LRRTM4: variants seen among roughly 807,000 people sequenced by gnomAD.
LRRTM4 encodes leucine rich repeat transmembrane neuronal 4, also known as leucine-rich repeat transmembrane neuronal protein 4.
In LRRTM4, 25 loss-of-function variants were observed where a neutral mutation model predicts 47.6. The ratio of observed to expected loss-of-function variants is 0.53; its 90% CI spans 0.38 to 0.73. The LOEUF is 0.73. LRRTM4 is among the 30% of genes least tolerant of loss of function. The pLI, the probability that LRRTM4 is intolerant of heterozygous loss-of-function variation, is 0.00. For synonymous variants in LRRTM4, 311 were observed against 269.5 expected (o/e 1.15, Z -1.51); for missense variants, 638 against 713.4 (o/e 0.89, Z 1.20).
chr2:76,877,528 A>G (rs1672811863), intron 3 of LRRTM4, among the ~76,000 whole-genome samples: 1 of 152,168 alleles, frequency 6.6e-6, no homozygotes. Context: ...AAATCAAGGT[A>G]CAATGGTTAA....
At chr2:77,211,842 AATT>A (rs1674301080) in intron 3 of LRRTM4, among the ~76,000 whole-genome samples, 1 of 152,082 alleles carries the variant, frequency 6.6e-6, no homozygotes, top group Non-Finnish European at 1.5e-5. Flanking sequence ...TATAAAATTT[AATT>A]ATTACATTAT....
intron 3 of LRRTM4, among the ~76,000 whole-genome samples, chr2:77,023,815 C>T (rs1182128292): frequency 6.6e-6 from 1 of 152,166 alleles, no homozygotes; most frequent in Non-Finnish European, 1.5e-5. Context: ...CCAAACTGTT[C>T]CAACCTCTGC....
At chr2:77,305,402 C>A (rs1677245328) in intron 3 of LRRTM4, among the ~76,000 whole-genome samples, 1 of 152,126 alleles carries the variant, frequency 6.6e-6, no homozygotes, top group East Asian at 1.9e-4. Flanking sequence ...AAATACTAAT[C>A]TCAGTTTCAA....
At chr2:77,430,268 T>C (rs747445654) in intron 3 of LRRTM4, among the ~76,000 whole-genome samples, 2 of 152,210 alleles carry the variant, frequency 1.3e-5, no homozygotes, top group Non-Finnish European at 2.9e-5. Flanking sequence ...TAAATACATA[T>C]ATTTTTATCT....
chr2:77,037,210 T>C (rs750887124), intron 3 of LRRTM4, among the ~76,000 whole-genome samples: 8 of 151,774 alleles, frequency 5.3e-5, no homozygotes, highest in Admixed American at 1.3e-4. Context: ...AGAGAGAGAA[T>C]ATGGGCTTCA....
chr2:77,222,987 C>G (rs542304509), intron 3 of LRRTM4, among the ~76,000 whole-genome samples: 1 of 152,188 alleles, frequency 6.6e-6, no homozygotes, highest in African/African-American at 2.4e-5. Context: ...AATCCAGCAA[C>G]ATATCAAAAA....
At chr2:76,968,771 T>G (rs1676123333) in intron 3 of LRRTM4, among the ~76,000 whole-genome samples, 1 of 151,770 alleles carries the variant, frequency 6.6e-6, no homozygotes, top group African/African-American at 2.4e-5. Flanking sequence ...TCCAGGCTCT[T>G]GTCCAGTCTT....
intron 3 of LRRTM4, among the ~76,000 whole-genome samples, chr2:77,080,915 C>T (rs760869638): frequency 2.0e-5 from 3 of 152,140 alleles, no homozygotes; most frequent in Non-Finnish European, 1.5e-5. Context: ...AAACACTCTC[C>T]AGCTTCAGGG....
At chr2:77,363,666 T>C (rs1672325342) in intron 3 of LRRTM4, among the ~76,000 whole-genome samples, 1 of 152,186 alleles carries the variant, frequency 6.6e-6, no homozygotes, top group South Asian at 2.1e-4. Flanking sequence ...GACTAATGAA[T>C]GTGCGCTTCA....
intron 3 of LRRTM4, among the ~76,000 whole-genome samples, chr2:77,342,272 G>T (rs1354139539): frequency 6.6e-6 from 1 of 151,988 alleles, no homozygotes; most frequent in Admixed American, 6.6e-5. Context: ...GTTTTACCCT[G>T]AGAGGATATT....
At chr2:77,513,163 G>T (rs1240383423) in intron 3 of LRRTM4, among the ~76,000 whole-genome samples, 1 of 152,172 alleles carries the variant, frequency 6.6e-6, no homozygotes, top group South Asian at 2.1e-4. Flanking sequence ...GCTCACACAT[G>T]TGTATGCGTG....
intron 3 of LRRTM4, among the ~76,000 whole-genome samples, chr2:77,215,707 T>G (rs780165466): frequency 6.6e-6 from 1 of 152,188 alleles, no homozygotes. Flanking sequence ...GCTTCAGAAC[T>G]GGCTAAACAC....
chr2:77,413,906 C>T (rs1674538081), intron 3 of LRRTM4, among the ~76,000 whole-genome samples: 2 of 152,118 alleles, frequency 1.3e-5, no homozygotes, highest in Non-Finnish European at 2.9e-5. Context: ...TATGTTAATT[C>T]CTTCAGAGAT....
At chr2:77,254,532 T>A (rs528189795) in intron 3 of LRRTM4, among the ~76,000 whole-genome samples, 1 of 151,902 alleles carries the variant, frequency 6.6e-6, no homozygotes, top group African/African-American at 2.4e-5. Flanking sequence ...GTAGATAAAA[T>A]GGATCTTTCA....
chr2:76,879,719 C>T (rs1390972723), intron 3 of LRRTM4, among the ~76,000 whole-genome samples: 2 of 152,180 alleles, frequency 1.3e-5, no homozygotes, highest in Non-Finnish European at 2.9e-5. Flanking sequence ...ATAGTGATTT[C>T]TCTAACAGAT....
chr2:77,448,793 T>C lies in LRRTM4; in HGVS notation c.1551+69525A>G, dbSNP rs562344594. ...TGACAAGAATCAGAACAGTATATTG[T>C]TTCCGCGTGTACCTAACAAAGTTAA... On this transcript the variant is annotated intron_variant, in intron 3 of 3. Coordinates refer to ENST00000409884, the MANE Select transcript of LRRTM4 (RefSeq NM_001134745.3). Among the ~76,000 whole-genome samples the C allele has an allele frequency of 2.5e-3, 387 of 152,292 alleles. 1 individual carries two copies. The highest frequency in any genetic ancestry group is 8.9e-3 in the African/African-American group (369 of 41,582).
At chr2:77,413,057 G>C (rs1674501865) in intron 3 of LRRTM4, among the ~76,000 whole-genome samples, 2 of 151,982 alleles carry the variant, frequency 1.3e-5, no homozygotes, top group Non-Finnish European at 2.9e-5. Context: ...CTTTTTTGGA[G>C]ACAGCTTTCT....
chr2:77,185,875 A>C (rs145324177), intron 3 of LRRTM4, among the ~76,000 whole-genome samples: 1 of 152,254 alleles, frequency 6.6e-6, no homozygotes, highest in Admixed American at 6.6e-5. Flanking sequence ...AAAACTCTTT[A>C]ACTTCAGTGG....
At chr2:77,052,150 C>CTTTTTTTT (rs70939841) in intron 3 of LRRTM4, among the ~76,000 whole-genome samples, 24 of 63,590 alleles carry the variant, frequency 3.8e-4, no homozygotes, top group African/African-American at 1.2e-3. Flanking sequence ...GTTACATTTC[C>CTTTTTTTT]TTTTTTTTTT....
Sources: gnomAD v4.1 joint callset for allele counts (sites outside exome capture counted in the v4.1 genomes callset) on GRCh38, gnomAD v4.1.1 for gene constraint, MANE v1.5 for transcripts, NCBI Gene and HGNC (gene_info 2026-07-23, HGNC 2026-07-21) for gene names.